Variants in SHROOM3 observed in about 807,000 individuals in gnomAD.
SHROOM3 encodes the protein shroom family member 3.
In SHROOM3, 47 loss-of-function variants were observed where a neutral mutation model predicts 138.6. The ratio of observed to expected loss-of-function variants is 0.34; its 90% CI spans 0.27 to 0.43. The LOEUF (loss-of-function observed/expected upper bound fraction) is 0.43, where lower values mean the gene tolerates loss of function less well. Among genes scored for constraint, SHROOM3 ranks in the 20% least tolerant of loss-of-function variants. The pLI, the probability that SHROOM3 is intolerant of heterozygous loss-of-function variation, is 1.00. For synonymous variants in SHROOM3, 1,062 were observed against 1,063.3 expected (o/e 1.00, Z 0.02); for missense variants, 2,491 against 2,596.5 (o/e 0.96, Z 0.88).
chr4:76,643,992 G>A (rs752552628), intron 2 of SHROOM3, among the ~76,000 whole-genome samples: 6 of 152,118 alleles, frequency 3.9e-5, no homozygotes, highest in South Asian at 2.1e-4. Context: ...TTACAGGCAT[G>A]TGCCACCACG....
intron 1 of SHROOM3, among the ~76,000 whole-genome samples, chr4:76,518,859 T>G (rs1560531661): frequency 6.6e-6 from 1 of 152,204 alleles, no homozygotes; most frequent in Non-Finnish European, 1.5e-5. Flanking sequence ...AAGAAGATAT[T>G]TATTGAACCA....
At chr4:76,540,118 G>A (rs1240377410) in intron 1 of SHROOM3, among the ~76,000 whole-genome samples, 3 of 152,196 alleles carry the variant, frequency 2.0e-5, no homozygotes, top group African/African-American at 7.2e-5. Context: ...AAAATGCTGG[G>A]ATTACAGGCG....
At chr4:76,449,796 C>G in intron 1 of SHROOM3, among the ~76,000 whole-genome samples, 1 of 152,174 alleles carries the variant, frequency 6.6e-6, no homozygotes, top group Non-Finnish European at 1.5e-5. Context: ...TTCCAGTCCT[C>G]TCTTTTCTAA....
chr4:76,772,185 C>T (rs560154033), intron 10 of SHROOM3, among the ~76,000 whole-genome samples: 5 of 150,768 alleles, frequency 3.3e-5, no homozygotes, highest in Non-Finnish European at 7.4e-5. Context: ...CTCACTGCAA[C>T]CTCTGGCTCC....
intron 1 of SHROOM3, among the ~76,000 whole-genome samples, chr4:76,449,225 GAA>G (rs1409404683): frequency 1.3e-5 from 2 of 151,082 alleles, no homozygotes; most frequent in Non-Finnish European, 1.5e-5. Flanking sequence ...AATAGATAGA[GAA>G]AATTATTCAT....
intron 1 of SHROOM3, among the ~76,000 whole-genome samples, chr4:76,484,496 A>G (rs560827034): frequency 7.9e-5 from 12 of 152,182 alleles, no homozygotes; most frequent in African/African-American, 2.9e-4. Context: ...ATTTGAGCCC[A>G]GGAGTTGGAG....
chr4:76,643,387 C>T (rs1345764630), intron 2 of SHROOM3, among the ~76,000 whole-genome samples: 1 of 152,092 alleles, frequency 6.6e-6, no homozygotes, highest in Non-Finnish European at 1.5e-5. Flanking sequence ...GCAATTAAAG[C>T]ACTTGCCCAA....
At chr4:76,593,336 C>A (rs1203750608) in intron 2 of SHROOM3, among the ~76,000 whole-genome samples, 5 of 152,178 alleles carry the variant, frequency 3.3e-5, no homozygotes, top group African/African-American at 1.2e-4. Flanking sequence ...GAAATAACCC[C>A]TAGAGGATTT....
chr4:76,608,663 T>TAGCATAGCAC (rs1560563360), intron 2 of SHROOM3, among the ~76,000 whole-genome samples: 1 of 31,386 alleles, frequency 3.2e-5, no homozygotes, highest in African/African-American at 5.7e-5. Flanking sequence ...TAGCATAGCA[T>TAGCATAGCAC]AGCACAGCAT....
At chr4:76,778,253 C>T (rs1371107077) in intron 10 of SHROOM3, among the ~76,000 whole-genome samples, 1 of 149,002 alleles carries the variant, frequency 6.7e-6, no homozygotes, top group Non-Finnish European at 1.5e-5. Context: ...ACAAGAGTCT[C>T]ACTCTGTCAT....
chr4:76,748,951 C>A, intron 5 of SHROOM3, 66 bp from the exon 6 acceptor site: 1 of 1,502,856 alleles, frequency 6.7e-7, no homozygotes, highest in Non-Finnish European at 9.3e-7. Context: ...TTTTTACCTC[C>A]ACCCTCTTGG....
Position 76,486,349 on chromosome 4 carries a change from CAT to C in SHROOM3, c.168+50130_168+50131del, listed in dbSNP as rs1290257470. On this transcript the variant is annotated intron_variant, in intron 1 of 10. Transcript: ENST00000296043. ...ATAAACAAGATTGATAATTTATAATCATGTGATGGATTGAATCTCTTTCATAA... is the reference window on the plus strand; with the variant it reads ...ATAAACAAGATTGATAATTTATAATCGTGATGGATTGAATCTCTTTCATAA... Among the ~76,000 whole-genome samples the C allele has an allele frequency of 6.6e-5, 10 of 152,182 alleles. No individual in the cohort carries two copies. The East Asian group carries it at 1.5e-3, about 23-fold the overall frequency.
At chr4:76,668,737 T>C (rs1049454733) in intron 2 of SHROOM3, among the ~76,000 whole-genome samples, 1 of 152,144 alleles carries the variant, frequency 6.6e-6, no homozygotes, top group Admixed American at 6.5e-5. Context: ...CCTGCACAGT[T>C]TGAAATAGAG....
At chr4:76,657,613 G>A (rs1736093521) in intron 2 of SHROOM3, among the ~76,000 whole-genome samples, 3 of 152,190 alleles carry the variant, frequency 2.0e-5, no homozygotes, top group Non-Finnish European at 1.5e-5. Flanking sequence ...CCCAAATAGT[G>A]AGGGTGCTGC....
At chr4:76,760,800 C>A (rs190743936) in intron 9 of SHROOM3, among the ~76,000 whole-genome samples, 56 of 152,306 alleles carry the variant, frequency 3.7e-4, no homozygotes, top group Non-Finnish European at 7.3e-5. Context: ...CTTCATTTAA[C>A]GGGTCCCCTG....
At chr4:76,612,712 G>A (rs1734788634) in intron 2 of SHROOM3, among the ~76,000 whole-genome samples, 1 of 152,144 alleles carries the variant, frequency 6.6e-6, no homozygotes, top group Non-Finnish European at 1.5e-5. Flanking sequence ...ACTGAAGTAG[G>A]AGGATCCATT....
intron 3 of SHROOM3, among the ~76,000 whole-genome samples, chr4:76,730,200 G>A (rs1720832555): frequency 6.6e-6 from 1 of 152,224 alleles, no homozygotes; most frequent in South Asian, 2.1e-4. Flanking sequence ...TTTAAAAGTT[G>A]AAGTCATTGA....
intron 2 of SHROOM3, among the ~76,000 whole-genome samples, chr4:76,598,894 G>A (rs1734445634): frequency 6.6e-6 from 1 of 152,190 alleles, no homozygotes; most frequent in African/African-American, 2.4e-5. Context: ...TTGGGAGGTG[G>A]TTTTCAAGAT....
chr4:76,646,214 T>C (rs1279214566), intron 2 of SHROOM3, among the ~76,000 whole-genome samples: 2 of 54,624 alleles, frequency 3.7e-5, no homozygotes, highest in African/African-American at 1.9e-4. Context: ...GAACTTAAAG[T>C]ATAATAAATA....
Sources: allele counts gnomAD v4.1 joint callset (sites outside exome capture counted in the v4.1 genomes callset), GRCh38; gene constraint gnomAD v4.1.1; transcripts MANE v1.5; gene names NCBI Gene and HGNC (gene_info 2026-07-23, HGNC 2026-07-21).